The following DMD variants were observed in gnomAD, a reference collection of about 807,000 sequenced individuals.
DMD encodes the protein mutant dystrophin.
A neutral mutation model predicts 330.1 loss-of-function variants in DMD; 63 were observed. The ratio of observed to expected loss-of-function variants is 0.19; its 90% CI spans 0.16 to 0.24. The LOEUF (loss-of-function observed/expected upper bound fraction) is 0.24. DMD is among the 10% of genes least tolerant of loss of function. DMD has a pLI of 1.00. For synonymous variants in DMD, 1,223 were observed against 959.8 expected, an observed-to-expected ratio of 1.27 and a Z score of -5.07; for missense variants, 3,344 against 2,684.1, an observed-to-expected ratio of 1.25 and a Z score of -5.43.
chrX:32,538,312 GCCCCACCTTA>G (rs2048180344), intron 17 of DMD, among the ~76,000 whole-genome samples: 1 of 111,352 alleles, frequency 9.0e-6, no homozygotes, highest in Admixed American at 9.5e-5. Flanking sequence ...ATTTGTTTTT[GCCCCACCTTA>G]ACCGAGCGAT....
chrX:32,154,162 GCATACAC>G (rs199855402), intron 44 of DMD, among the ~76,000 whole-genome samples: 2,240 of 111,766 alleles, frequency 0.02, 63 homozygotes, highest in African/African-American at 0.069. Context: ...TTAAAACACA[GCATACAC>G]CATAAGTGAT....
At chrX:32,361,674 G>A (rs2097835425) in intron 37 of DMD, among the ~76,000 whole-genome samples, 1 of 111,555 alleles carries the variant, frequency 9.0e-6, no homozygotes, top group Admixed American at 9.6e-5. Context: ...ATGAGACACT[G>A]TAATGCCTTA....
chrX:32,318,035 A>T (rs2097590293), intron 41 of DMD, among the ~76,000 whole-genome samples: 1 of 111,227 alleles, frequency 9.0e-6, no homozygotes, highest in South Asian at 3.7e-4. Flanking sequence ...AAGTAATAAC[A>T]CAATGATATG....
rs762790446 is a variant in DMD at position 32,927,537 on chromosome X, G to A, written c.94-77717C>T. Reference sequence around the variant, plus strand: ...CCTCAGGTGACCCGCTGCCTCGGACGCCCGGCCGCAAGTCTTTCTTTTATC... The same window carrying A: ...CCTCAGGTGACCCGCTGCCTCGGACACCCGGCCGCAAGTCTTTCTTTTATC... On this transcript the variant is annotated intron_variant, in intron 2 of 78. Coordinates refer to ENST00000357033, the MANE Select transcript of DMD (RefSeq NM_004006.3). Among the ~76,000 whole-genome samples the A allele has an allele frequency of 4.2e-3, 461 of 109,447 alleles. 1 individual carries two copies. Among genetic ancestry groups the A allele is most frequent in the Non-Finnish European group, 6.9e-3 (362 of 52,607 alleles).
At chrX:31,448,275 TA>T (rs1023651269) in intron 59 of DMD, among the ~76,000 whole-genome samples, 1 of 110,896 alleles carries the variant, frequency 9.0e-6, no homozygotes, top group African/African-American at 3.3e-5. Context: ...GTAGGAAAGA[TA>T]AAAAGGAAAA....
At chrX:32,026,507 C>G (rs371226294) in intron 44 of DMD, among the ~76,000 whole-genome samples, 1 of 112,198 alleles carries the variant, frequency 8.9e-6, no homozygotes, top group East Asian at 2.8e-4. Flanking sequence ...ACCCTGAAGA[C>G]AAAAACATAT....
intron 45 of DMD, among the ~76,000 whole-genome samples, chrX:31,941,231 G>T (rs2094995597): frequency 9.0e-6 from 1 of 111,706 alleles, no homozygotes; most frequent in Non-Finnish European, 1.9e-5. Context: ...CCATCCGATA[G>T]AAAATGCAAT....
chrX:32,635,449 C>T (rs779694637), intron 11 of DMD, among the ~76,000 whole-genome samples: 5 of 111,455 alleles, frequency 4.5e-5, no homozygotes, highest in Admixed American at 3.8e-4. Context: ...CAATAAACTT[C>T]GAGACTCATT....
intron 1 of DMD, among the ~76,000 whole-genome samples, chrX:33,223,171 A>G (rs1269800080): frequency 1.8e-5 from 2 of 111,055 alleles, no homozygotes; most frequent in African/African-American, 3.3e-5. Context: ...ATTAGCTGGG[A>G]GTGGTGGCAC....
Position 32,859,515 on chromosome X carries a change from T to C in DMD, c.94-9695A>G, listed in dbSNP as rs190919560. ...CACACACACACACACACACACAAGT[T>C]AAAGTCTTTTCGATAATATAAAAAT... On this transcript the variant is annotated intron_variant, in intron 2 of 78. Coordinates refer to ENST00000357033, the MANE Select transcript of DMD (RefSeq NM_004006.3). Among the ~76,000 whole-genome samples the C allele has an allele frequency of 3.0e-5, 3 of 99,603 alleles. No homozygotes were observed. The East Asian group carries it at 9.7e-4, about 32-fold the overall frequency. The allele number at this position is 99,603 out of a possible 115,157, so 86.5% of individuals were successfully genotyped here. A position where few individuals can be genotyped will look rare whatever the true frequency, so the allele number is the denominator to read the frequency against.
At chrX:31,831,887 C>T (rs1177659225) in intron 49 of DMD, among the ~76,000 whole-genome samples, 1 of 112,597 alleles carries the variant, frequency 8.9e-6, no homozygotes, top group African/African-American at 3.2e-5. Flanking sequence ...CAGGCGCGAG[C>T]CACCGCGCCC....
intron 62 of DMD, among the ~76,000 whole-genome samples, chrX:31,269,476 G>T (rs963874557): frequency 9.0e-6 from 1 of 111,422 alleles, no homozygotes; most frequent in African/African-American, 3.3e-5. Flanking sequence ...CTTGTTCCCA[G>T]TACCACTGTC....
At chrX:32,179,996 T>C (rs775029264) in intron 44 of DMD, among the ~76,000 whole-genome samples, 1 of 111,857 alleles carries the variant, frequency 8.9e-6, no homozygotes, top group South Asian at 3.8e-4. Context: ...TTCATAGCAG[T>C]AGGAAAATGA....
At chrX:31,146,253 T>C in intron 76 of DMD, 38 bp downstream of exon 76, 2 of 1,204,297 alleles carry the variant, frequency 1.7e-6, no homozygotes, top group Non-Finnish European at 2.2e-6. Flanking sequence ...TCTACCTTTC[T>C]TCAGACAACA....
intron 7 of DMD, among the ~76,000 whole-genome samples, chrX:32,786,762 G>C (rs1000936171): frequency 3.6e-5 from 4 of 111,795 alleles, no homozygotes; most frequent in Non-Finnish European, 7.5e-5. Flanking sequence ...TTCTGTAGTA[G>C]TTACAAGTAG....
rs138368378 is a variant in DMD, at chrX:32,435,822, T to C, written c.4071+2419A>G. On this transcript the variant is annotated intron_variant, in intron 29 of 78. Coordinates refer to ENST00000357033, the MANE Select transcript of DMD (RefSeq NM_004006.3). ...ACTTTCAGCAACACTATGGGTCGTG[T>C]TTGACAAGTTCTATGGGTACCCAAT... Among the ~76,000 whole-genome samples the C allele has an allele frequency of 5.5e-3, 607 of 111,346 alleles. 5 individuals are homozygous for C. The South Asian group carries it at 0.068, about 12-fold the overall frequency.
At chrX:32,810,665 C>T (rs1047358456) in intron 6 of DMD, among the ~76,000 whole-genome samples, 1 of 111,974 alleles carries the variant, frequency 8.9e-6, no homozygotes, top group Non-Finnish European at 1.9e-5. Context: ...TTTTATCTTG[C>T]ATGAATTATC....
intron 43 of DMD, among the ~76,000 whole-genome samples, chrX:32,258,740 C>A (rs2097309624): frequency 9.0e-6 from 1 of 110,607 alleles, no homozygotes; most frequent in Non-Finnish European, 1.9e-5. Context: ...TGCAGCAAAC[C>A]ACCATGGAAC....
intron 7 of DMD, among the ~76,000 whole-genome samples, chrX:32,708,356 C>A (rs1392508745): frequency 1.9e-5 from 2 of 108,068 alleles, no homozygotes; most frequent in Non-Finnish European, 3.8e-5. Context: ...CCTGTTGAGG[C>A]AAAAATACCT....
Sources: allele counts gnomAD v4.1 joint callset (sites outside exome capture counted in the v4.1 genomes callset), GRCh38; gene constraint gnomAD v4.1.1; transcripts MANE v1.5; gene names NCBI Gene and HGNC (gene_info 2026-07-23, HGNC 2026-07-21).